The following PIEZO2 variants were observed in gnomAD, a reference collection of about 807,000 sequenced individuals.
PIEZO2 encodes the protein piezo type mechanosensitive ion channel component 2.
PIEZO2 carries 172 observed loss-of-function variants against 337.3 expected under a neutral mutation model. That is an observed-to-expected ratio of 0.51 (90% CI 0.45 to 0.58). The LOEUF is 0.58. Ranked by LOEUF, PIEZO2 falls within the 20% of genes least tolerant of loss-of-function variation. The pLI is 0.00. For missense variants in PIEZO2, 3,028 were observed against 3,391.3 expected (o/e 0.89, Z 2.66); for synonymous variants, 1,251 against 1,228.5 (o/e 1.02, Z -0.38).
chr18:10,915,634 C>T (rs2030876330), intron 3 of PIEZO2, among the ~76,000 whole-genome samples: 1 of 152,170 alleles, frequency 6.6e-6, no homozygotes, highest in African/African-American at 2.4e-5. Context: ...TATTAGCTAA[C>T]TTAAGCTTCT....
intron 37 of PIEZO2, among the ~76,000 whole-genome samples, chr18:10,717,613 A>AC (rs1452779649): frequency 6.6e-6 from 1 of 152,182 alleles, no homozygotes; most frequent in African/African-American, 2.4e-5. Context: ...GCATAAAGAT[A>AC]CCTTCCTCCA....
chr18:11,046,758 G>A (rs1315449294), intron 2 of PIEZO2, among the ~76,000 whole-genome samples: 1 of 152,208 alleles, frequency 6.6e-6, no homozygotes, highest in African/African-American at 2.4e-5. Context: ...GAATGGTCAT[G>A]CCAAGGAGGC....
chr18:10,916,734 G>A (rs2031005798), intron 3 of PIEZO2, among the ~76,000 whole-genome samples: 1 of 152,300 alleles, frequency 6.6e-6, no homozygotes, highest in South Asian at 2.1e-4. Flanking sequence ...CTCCCATAGT[G>A]CAGCAGCGGG....
At chr18:10,804,043 G>C (rs2039915885) in intron 8 of PIEZO2, 49 bp from the exon 9 acceptor site, 1 of 1,527,480 alleles carries the variant, frequency 6.5e-7, no homozygotes, top group Non-Finnish European at 8.8e-7. Flanking sequence ...CAGTTCCCTA[G>C]ACAGCCTGGG....
At chr18:11,059,997 A>T (rs1175413639) in intron 2 of PIEZO2, among the ~76,000 whole-genome samples, 1 of 152,210 alleles carries the variant, frequency 6.6e-6, no homozygotes, top group Non-Finnish European at 1.5e-5. Context: ...AATTGACCAC[A>T]TAGTTGGAAG....
At chr18:10,745,359 G>A (rs568262700) in intron 30 of PIEZO2, among the ~76,000 whole-genome samples, 4 of 151,830 alleles carry the variant, frequency 2.6e-5, no homozygotes, top group African/African-American at 7.3e-5. Flanking sequence ...TTAAAAAAAC[G>A]AAAAAGAAAA....
chr18:11,105,596 T>C lies in PIEZO2; in HGVS notation c.65-39374A>G, dbSNP rs1049591876. On this transcript the variant is annotated intron_variant, in intron 1 of 55. Transcript: ENST00000674853. This position sits in a 1 kb window ranked among gnomAD's most constrained non-coding sequence, Gnocchi z 4.3. ...TACTCATCCTTTATCTGTACAACTA[T>C]AATCACCTGCACAGTGCTGGAGTCT... is the stretch of plus-strand genomic sequence containing the variant. Among the ~76,000 whole-genome samples, 1 of 152,012 alleles carries C rather than the reference T, an allele frequency of 6.6e-6. No homozygotes were observed. Among genetic ancestry groups the C allele is most frequent in the African/African-American group, 2.4e-5 (1 of 41,382 alleles).
rs149236585 is a variant in PIEZO2 at position 10,832,508 on chromosome 18, G to A, written c.917+22845C>T. ...AGAGAGGTTAAGTAATTTACCCAAT[G>A]CCTACAGCGCCTAGTAAGTAGCTGA... On this transcript the variant is annotated intron_variant, in intron 7 of 55. Coordinates refer to ENST00000674853, the MANE Select transcript of PIEZO2 (RefSeq NM_001378183.1). Among the ~76,000 whole-genome samples, 47 of 152,320 alleles carry A rather than the reference G, an allele frequency of 3.1e-4. No individual in the cohort carries two copies. In the East Asian group the frequency reaches 5.4e-3, roughly 17 times the overall value.
rs549169314 is a variant in PIEZO2, at chr18:10,850,310, G to A, written c.917+5043C>T. Among the ~76,000 whole-genome samples the A allele has an allele frequency of 1.1e-4, 16 of 152,224 alleles. No homozygotes were observed. The highest frequency in any genetic ancestry group is 2.0e-4 in the Admixed American group (3 of 15,292). ...AAACTCCAGCCCTGTGCCACACATC[G>A]GCGTGGAATTTCAGTTTATACCATA... On this transcript the variant is annotated intron_variant, in intron 7 of 55. Coordinates refer to ENST00000674853, the MANE Select transcript of PIEZO2 (RefSeq NM_001378183.1). This position sits in a 1 kb window ranked among gnomAD's most constrained non-coding sequence, Gnocchi z 4.5.
Position 10,940,437 on chromosome 18 carries a change from A to C in PIEZO2, c.287-29209T>G, listed in dbSNP as rs553685475. The stretch of plus-strand genomic sequence containing the variant: ...GCGAATCTTACCTGCAGAATATCCT[A>C]GTGTTTTCCTCCAGTGAACATTTTA... On this transcript the variant is annotated intron_variant, in intron 3 of 55. Transcript: ENST00000674853. This position sits in a 1 kb window ranked among gnomAD's most constrained non-coding sequence, Gnocchi z 5.3. Among the ~76,000 whole-genome samples, 1 of 152,208 alleles carries C rather than the reference A, an allele frequency of 6.6e-6. No individual in the cohort carries two copies. The highest frequency in any genetic ancestry group is 2.4e-5 in the African/African-American group (1 of 41,454).
Position 10,727,350 on chromosome 18 carries a change from C to G in PIEZO2, c.5029+4057G>C, listed in dbSNP as rs538264424. 6.4e-6 allele frequency: 1 copy of G among 155,620 alleles called. No individual in the cohort carries two copies. Among genetic ancestry groups the G allele is most frequent in the Admixed American group, 6.5e-5 (1 of 15,338 alleles). 9.6% of individuals were successfully genotyped at this position (155,620 alleles called of 1,614,324 possible). A position where few individuals can be genotyped will look rare whatever the true frequency, so the allele number is the denominator to read the frequency against. ...GTCCCCTTGGTGCTCCTTCAGCATTCGTGCTGTCTGCTTCTCACTGGGTCC... is the reference window on the plus strand; with the variant it reads ...GTCCCCTTGGTGCTCCTTCAGCATTGGTGCTGTCTGCTTCTCACTGGGTCC... On this transcript the variant is annotated intron_variant, in intron 36 of 55. Coordinates refer to ENST00000674853, the MANE Select transcript of PIEZO2 (RefSeq NM_001378183.1). This position sits in a 1 kb window ranked among gnomAD's most constrained non-coding sequence, Gnocchi z 6.3.
chr18:10,853,061 T>C lies in PIEZO2; in HGVS notation c.917+2292A>G, dbSNP rs1304903391. ...CAAGCATGTGCAGTAAGAGGTAAAA[T>C]GGCGGAGTTTAACTGGTACATGACC... is the stretch of plus-strand genomic sequence containing the variant. On this transcript the variant is annotated intron_variant, in intron 7 of 55. Transcript: ENST00000674853. The surrounding 1 kb of genome is among the most constrained non-coding windows in gnomAD (Gnocchi z 4.2). Among the ~76,000 whole-genome samples the C allele has an allele frequency of 1.3e-5, 2 of 152,110 alleles. No individual in the cohort carries two copies. The highest frequency in any genetic ancestry group is 2.9e-5 in the Non-Finnish European group (2 of 68,024).
chr18:11,000,863 C>T (rs78309273), intron 2 of PIEZO2, among the ~76,000 whole-genome samples: 2,616 of 152,168 alleles, frequency 0.017, 86 homozygotes, highest in African/African-American at 0.059. Flanking sequence ...CAGCAGAGCC[C>T]TCAGCCAGTT....
chr18:10,900,762 C>A (rs2145000315), intron 4 of PIEZO2, among the ~76,000 whole-genome samples: 1 of 152,294 alleles, frequency 6.6e-6, no homozygotes, highest in East Asian at 1.9e-4. Flanking sequence ...GGCAAACTCT[C>A]ATCCAGAATG....
rs140566563 is a variant in PIEZO2, at chr18:10,830,455, TC to T, written c.918-23182del. On this transcript the variant is annotated intron_variant, in intron 7 of 55. Coordinates refer to ENST00000674853, the MANE Select transcript of PIEZO2 (RefSeq NM_001378183.1). This position sits in a 1 kb window ranked among gnomAD's most constrained non-coding sequence, Gnocchi z 4.7. ...ACCATTTATTGAAGAGACTGTCCTT[TC>T]CCCCCTTTTATGCCTCTGGTTGCAC... Among the ~76,000 whole-genome samples, 4,469 of 150,954 alleles carry T rather than the reference TC, an allele frequency of 0.03. 141 individuals are homozygous for T. The highest frequency in any genetic ancestry group is 0.085 in the African/African-American group (3,467 of 41,026).
intron 2 of PIEZO2, among the ~76,000 whole-genome samples, chr18:10,986,830 A>G (rs1189953259): frequency 6.6e-6 from 1 of 151,658 alleles, no homozygotes; most frequent in Non-Finnish European, 1.5e-5. Flanking sequence ...CTAAAAATCT[A>G]CCAAAAAAAC....
At chr18:11,086,748 A>G (rs1009307101) in intron 1 of PIEZO2, among the ~76,000 whole-genome samples, 9 of 117,694 alleles carry the variant, frequency 7.6e-5, no homozygotes, top group African/African-American at 3.9e-4. Flanking sequence ...AGACACATAA[A>G]TAATTTCGGG....
At chr18:11,017,300 T>G (rs1175098191) in intron 2 of PIEZO2, among the ~76,000 whole-genome samples, 1 of 152,168 alleles carries the variant, frequency 6.6e-6, no homozygotes, top group Admixed American at 6.5e-5. Context: ...TGTAGAAAAC[T>G]TAAGCATTAA....
intron 4 of PIEZO2, among the ~76,000 whole-genome samples, chr18:10,883,772 C>T (rs902420604): frequency 1.1e-4 from 16 of 150,758 alleles, no homozygotes; most frequent in Admixed American, 2.0e-4. Flanking sequence ...CCCACCTCAG[C>T]CCTTGGTAAG....
Sources: allele counts gnomAD v4.1 joint callset (sites outside exome capture counted in the v4.1 genomes callset), GRCh38; gene constraint gnomAD v4.1.1; non-coding constraint Gnocchi (gnomAD v3.1); transcripts MANE v1.5; gene names NCBI Gene and HGNC (gene_info 2026-07-23, HGNC 2026-07-21).